The following CSMD1 variants were observed in gnomAD, a reference collection of about 807,000 sequenced individuals.
CSMD1 encodes CUB and sushi domain-containing protein 1.
A neutral mutation model predicts 417.5 loss-of-function variants in CSMD1; 213 were observed. That is an observed-to-expected ratio of 0.51 (90% CI 0.46 to 0.57). CSMD1 has a LOEUF of 0.57. Ranked by LOEUF, CSMD1 falls within the 20% of genes least tolerant of loss-of-function variation. The probability of loss-of-function intolerance (pLI) is 0.00; values close to 1 mark genes in which losing one functional copy is unlikely to be tolerated. For missense variants in CSMD1, 6,923 were observed against 4,529.7 expected (o/e 1.53, Z -15.17); for synonymous variants, 2,862 against 1,736.8 (o/e 1.65, Z -16.11).
intron 18 of CSMD1, among the ~76,000 whole-genome samples, chr8:3,385,081 ATTTATAT>A (rs1156626165): frequency 1.8e-5 from 2 of 108,390 alleles, no homozygotes; most frequent in Non-Finnish European, 3.3e-5. Flanking sequence ...TATATATATA[ATTTATAT>A]ATAAAATATA....
intron 3 of CSMD1, among the ~76,000 whole-genome samples, chr8:4,347,956 A>C (rs1800869104): frequency 6.6e-6 from 1 of 152,172 alleles, no homozygotes; most frequent in South Asian, 2.1e-4. Context: ...GGAGGCACAG[A>C]AGAATTTATA....
chr8:4,955,360 T>A (rs1261417318), intron 1 of CSMD1, among the ~76,000 whole-genome samples: 1 of 152,158 alleles, frequency 6.6e-6, no homozygotes, highest in African/African-American at 2.4e-5. Flanking sequence ...ATTTTATGAC[T>A]TTTTATTATG....
At chr8:4,468,513 T>C (rs989976092) in intron 2 of CSMD1, among the ~76,000 whole-genome samples, 2 of 152,210 alleles carry the variant, frequency 1.3e-5, no homozygotes, top group African/African-American at 2.4e-5. Flanking sequence ...TGTACTTTTC[T>C]ATTTCTTCTT....
chr8:4,219,360 C>T (rs180969793), intron 3 of CSMD1, among the ~76,000 whole-genome samples: 3 of 152,210 alleles, frequency 2.0e-5, no homozygotes, highest in East Asian at 1.9e-4. Context: ...TGGGCACATC[C>T]CCCTGGCACA....
intron 1 of CSMD1, among the ~76,000 whole-genome samples, chr8:4,673,597 G>C (rs1027527787): frequency 6.6e-6 from 1 of 152,080 alleles, no homozygotes; most frequent in Non-Finnish European, 1.5e-5. Context: ...AACTCTGGGG[G>C]CAATTCACAG....
At chr8:3,197,448 A>G (rs907609437) in intron 33 of CSMD1, among the ~76,000 whole-genome samples, 1 of 147,144 alleles carries the variant, frequency 6.8e-6, no homozygotes, top group Non-Finnish European at 1.5e-5. Flanking sequence ...TTTTTCTATA[A>G]TATAGCTCAA....
At chr8:3,433,660 G>A (rs922097237) in intron 12 of CSMD1, among the ~76,000 whole-genome samples, 12 of 152,096 alleles carry the variant, frequency 7.9e-5, no homozygotes, top group Admixed American at 5.9e-4. Flanking sequence ...GCCCAACATT[G>A]GTGAGATGCT....
intron 3 of CSMD1, among the ~76,000 whole-genome samples, chr8:4,336,469 G>C (rs1800179571): frequency 6.6e-6 from 1 of 152,098 alleles, no homozygotes; most frequent in Non-Finnish European, 1.5e-5. Flanking sequence ...GTAGATGTTT[G>C]AGCCTTCAGA....
intron 1 of CSMD1, among the ~76,000 whole-genome samples, chr8:4,975,199 C>A (rs1810479906): frequency 1.3e-5 from 2 of 152,182 alleles, no homozygotes; most frequent in African/African-American, 4.8e-5. Context: ...ACCACGGTGA[C>A]TTTTCTTTCC....
rs376592454 is a variant in CSMD1, at chr8:3,682,111, T to C, written c.1009+26303A>G. 2.2e-4 allele frequency among the ~76,000 whole-genome samples: 34 copies of C among 152,016 alleles called. No individual in the cohort carries two copies. In the East Asian group the frequency reaches 2.7e-3, roughly 12 times the overall value. ...CCCTAGAAGAAAACCTAGGCAATAC[T>C]ATTCAGGACATAGGCATGGGCAAGG... On this transcript the variant is annotated intron_variant, in intron 7 of 69. Coordinates refer to ENST00000635120, the MANE Select transcript of CSMD1 (RefSeq NM_033225.6).
intron 3 of CSMD1, among the ~76,000 whole-genome samples, chr8:4,121,313 C>T (rs555327805): frequency 5.9e-5 from 9 of 152,134 alleles, no homozygotes; most frequent in Non-Finnish European, 4.4e-5. Flanking sequence ...CACCGTTCCA[C>T]CATGTTGGCC....
chr8:3,828,793 C>G (rs1252405875), intron 5 of CSMD1, among the ~76,000 whole-genome samples: 1 of 152,142 alleles, frequency 6.6e-6, no homozygotes, highest in Non-Finnish European at 1.5e-5. Flanking sequence ...CATCCTTCCA[C>G]TGCACCTCAA....
chr8:4,282,891 G>A (rs1796864213), intron 3 of CSMD1, among the ~76,000 whole-genome samples: 1 of 152,030 alleles, frequency 6.6e-6, no homozygotes, highest in African/African-American at 2.4e-5. Flanking sequence ...TTACATTAAT[G>A]GTTGAACTTA....
intron 5 of CSMD1, among the ~76,000 whole-genome samples, chr8:3,787,796 G>C (rs547931368): frequency 1.9e-4 from 29 of 152,302 alleles, no homozygotes; most frequent in Admixed American, 3.3e-4. Context: ...GCACTTTTTA[G>C]TACTTTAAAT....
At chr8:4,258,885 C>T (rs1803672797) in intron 3 of CSMD1, among the ~76,000 whole-genome samples, 1 of 152,140 alleles carries the variant, frequency 6.6e-6, no homozygotes, top group Non-Finnish European at 1.5e-5. Context: ...CCTGGCCGTG[C>T]CATGTGTTTT....
chr8:3,807,287 C>T (rs1010473432), intron 5 of CSMD1, among the ~76,000 whole-genome samples: 5 of 152,006 alleles, frequency 3.3e-5, no homozygotes, highest in African/African-American at 1.2e-4. Context: ...CAACCTATAC[C>T]GCATGCCAGC....
At chr8:4,318,923 T>C (rs1799099580) in intron 3 of CSMD1, among the ~76,000 whole-genome samples, 1 of 152,166 alleles carries the variant, frequency 6.6e-6, no homozygotes, top group South Asian at 2.1e-4. Context: ...AAGTGGGTTT[T>C]TAATTTTACT....
intron 1 of CSMD1, among the ~76,000 whole-genome samples, chr8:4,691,290 G>C (rs190267916): frequency 6.6e-6 from 1 of 152,136 alleles, no homozygotes; most frequent in Admixed American, 6.6e-5. Context: ...GTGAATTTCA[G>C]CTGTAAGCCT....
At chr8:4,607,737 T>G (rs75171519) in intron 2 of CSMD1, among the ~76,000 whole-genome samples, 1 of 152,184 alleles carries the variant, frequency 6.6e-6, no homozygotes, top group Admixed American at 6.5e-5. Flanking sequence ...ACAGTAAACG[T>G]AGCAGCCTCA....
Sources: allele counts gnomAD v4.1 joint callset (sites outside exome capture counted in the v4.1 genomes callset), GRCh38; gene constraint gnomAD v4.1.1; transcripts MANE v1.5; gene names NCBI Gene and HGNC (gene_info 2026-07-23, HGNC 2026-07-21).